ATP8A2: variants seen among roughly 807,000 people sequenced by gnomAD.
ATP8A2 encodes phospholipid-transporting ATPase IB.
In ATP8A2, 100 loss-of-function variants were observed where a neutral mutation model predicts 165.6. The observed-to-expected ratio is 0.60, with a 90% CI of 0.51 to 0.71. The LOEUF (loss-of-function observed/expected upper bound fraction) is 0.71. Among genes scored for constraint, ATP8A2 ranks in the 30% least tolerant of loss-of-function variants. The probability of loss-of-function intolerance (pLI) is 0.00; values close to 1 mark genes in which losing one functional copy is unlikely to be tolerated. For synonymous variants in ATP8A2, 543 were observed against 548.8 expected (o/e 0.99, Z 0.15); for missense variants, 1,227 against 1,479.5 (o/e 0.83, Z 2.80).
At chr13:25,447,101 A>C (rs2035090204) in intron 1 of ATP8A2, among the ~76,000 whole-genome samples, 1 of 152,218 alleles carries the variant, frequency 6.6e-6, no homozygotes. Context: ...TGCTTTTTAG[A>C]CTAAGCAAAC....
chr13:25,517,319 T>C (rs2037512137), intron 2 of ATP8A2: 1 of 152,154 alleles, frequency 6.6e-6, no homozygotes, highest in Non-Finnish European at 1.5e-5. Context: ...ATATCTGATA[T>C]CTTGCATTTG....
intron 25 of ATP8A2, among the ~76,000 whole-genome samples, chr13:25,768,341 G>A (rs910534878): frequency 3.3e-5 from 5 of 152,036 alleles, no homozygotes; most frequent in Admixed American, 2.6e-4. Context: ...AAGCTTGGCC[G>A]CCATCTTGGA....
chr13:25,537,193 C>T (rs2038313381), intron 6 of ATP8A2, among the ~76,000 whole-genome samples: 3 of 152,122 alleles, frequency 2.0e-5, no homozygotes, highest in South Asian at 4.2e-4. Flanking sequence ...TGACTTTGGC[C>T]GTGATCCTTT....
chr13:25,588,178 G>A (rs553552474), intron 23 of ATP8A2, among the ~76,000 whole-genome samples: 12 of 152,166 alleles, frequency 7.9e-5, no homozygotes, highest in South Asian at 6.2e-4. Flanking sequence ...ATAATTTTGC[G>A]CTTTAAAATT....
Position 25,534,062 on chromosome 13 carries a change from A to C in ATP8A2, c.507+749A>C, listed in dbSNP as rs565891689. 194 of 449,036 alleles carry C rather than the reference A, an allele frequency of 4.3e-4. 3 individuals carry two copies. Among genetic ancestry groups the C allele is most frequent in the South Asian group, 3.1e-3 (184 of 59,386 alleles). 27.8% of individuals were successfully genotyped at this position (449,036 alleles called of 1,614,324 possible). A position where few individuals can be genotyped will look rare whatever the true frequency, so the allele number is the denominator to read the frequency against. On this transcript the variant is annotated intron_variant, in intron 6 of 36. Transcript: ENST00000381655. Reference sequence around the variant, plus strand: ...CTTGAAGTGGTTCTTCTTGCTAAATAAACATTTAATAAACAATGTTTTTAA... The same window carrying C: ...CTTGAAGTGGTTCTTCTTGCTAAATCAACATTTAATAAACAATGTTTTTAA...
chr13:25,796,333 G>A (rs1593360269), intron 27 of ATP8A2, among the ~76,000 whole-genome samples: 1 of 152,206 alleles, frequency 6.6e-6, no homozygotes, highest in Non-Finnish European at 1.5e-5. Flanking sequence ...GGCTAATTGT[G>A]TGGTTATGAC....
At chr13:25,596,485 C>A (rs1456085923) in intron 24 of ATP8A2, among the ~76,000 whole-genome samples, 4 of 152,208 alleles carry the variant, frequency 2.6e-5, no homozygotes, top group Non-Finnish European at 5.9e-5. Flanking sequence ...CTTTCTAACA[C>A]AATGGATTAA....
chr13:25,600,472 A>G lies in ATP8A2; in HGVS notation c.2211+10773A>G, dbSNP rs796468167. Among the ~76,000 whole-genome samples, 5 of 152,218 alleles carry G rather than the reference A, an allele frequency of 3.3e-5. No homozygotes were observed. In the South Asian group the frequency reaches 1.0e-3, roughly 32 times the overall value. ...ATGAATTTCAAGTGTAAAGATTTAA[A>G]ATAGGAAATTAGGTGCTTGTGAAAT... On this transcript the variant is annotated intron_variant, in intron 24 of 36. Transcript: ENST00000381655.
intron 25 of ATP8A2, among the ~76,000 whole-genome samples, chr13:25,732,793 T>A (rs972412921): frequency 6.6e-6 from 1 of 152,116 alleles, no homozygotes; most frequent in East Asian, 1.9e-4. Context: ...ACTAGCCTAT[T>A]GCTGAAAAAA....
At chr13:25,456,902 T>C (rs890309691) in intron 1 of ATP8A2, among the ~76,000 whole-genome samples, 1 of 152,172 alleles carries the variant, frequency 6.6e-6, no homozygotes. Flanking sequence ...TTGGCTTCCC[T>C]GGGCCACATT....
intron 25 of ATP8A2, among the ~76,000 whole-genome samples, chr13:25,756,136 G>A (rs2044255932): frequency 6.6e-6 from 1 of 152,290 alleles, no homozygotes; most frequent in East Asian, 1.9e-4. Context: ...GCAGGGGGAT[G>A]GTGCTCCAGG....
At chr13:25,897,414 A>C (rs1452368660) in intron 33 of ATP8A2, among the ~76,000 whole-genome samples, 1 of 152,156 alleles carries the variant, frequency 6.6e-6, no homozygotes, top group Non-Finnish European at 1.5e-5. Context: ...TGTTAGTCTG[A>C]TGGGCTTCCC....
At chr13:25,686,410 G>GA (rs2042602566) in intron 24 of ATP8A2, among the ~76,000 whole-genome samples, 1 of 152,008 alleles carries the variant, frequency 6.6e-6, no homozygotes, top group Non-Finnish European at 1.5e-5. Flanking sequence ...GGGTCCAGAG[G>GA]AAAAAAACAA....
intron 1 of ATP8A2, among the ~76,000 whole-genome samples, chr13:25,446,939 T>C (rs571615729): frequency 1.3e-5 from 2 of 152,286 alleles, no homozygotes; most frequent in Non-Finnish European, 1.5e-5. Flanking sequence ...CACTGCACCG[T>C]TGACCTCCCA....
At chr13:25,452,567 G>T (rs1162927234) in intron 1 of ATP8A2, among the ~76,000 whole-genome samples, 1 of 151,954 alleles carries the variant, frequency 6.6e-6, no homozygotes, top group Non-Finnish European at 1.5e-5. Context: ...TAATTCACTG[G>T]CTATAAAAGC....
At chr13:25,374,518 C>T (rs2032546376) in intron 1 of ATP8A2, among the ~76,000 whole-genome samples, 2 of 152,154 alleles carry the variant, frequency 1.3e-5, no homozygotes, top group African/African-American at 4.8e-5. Context: ...AGTCTGACGG[C>T]ATGAACATCA....
intron 24 of ATP8A2, among the ~76,000 whole-genome samples, chr13:25,605,634 A>G (rs1452928189): frequency 6.6e-6 from 1 of 152,132 alleles, no homozygotes; most frequent in African/African-American, 2.4e-5. Flanking sequence ...AAAAAATGCA[A>G]CTACTCACAA....
chr13:25,374,508 A>T (rs946115206), intron 1 of ATP8A2, among the ~76,000 whole-genome samples: 1 of 152,230 alleles, frequency 6.6e-6, no homozygotes, highest in Non-Finnish European at 1.5e-5. Context: ...ACTGTTCTAC[A>T]GTCTGACGGC....
At chr13:25,896,521 T>C (rs1294146722) in intron 33 of ATP8A2, among the ~76,000 whole-genome samples, 1 of 152,084 alleles carries the variant, frequency 6.6e-6, no homozygotes, top group Non-Finnish European at 1.5e-5. Flanking sequence ...TGATTTGGGG[T>C]GGAGAGTTCT....
Sources: allele counts gnomAD v4.1 joint callset (sites outside exome capture counted in the v4.1 genomes callset), GRCh38; gene constraint gnomAD v4.1.1; transcripts MANE v1.5; gene names NCBI Gene and HGNC (gene_info 2026-07-23, HGNC 2026-07-21).